Variants in KAT2B observed in about 807,000 individuals in gnomAD.
KAT2B encodes the protein histone acetyltransferase KAT2B.
In KAT2B, 36 loss-of-function variants were observed where a neutral mutation model predicts 105.9. The observed-to-expected ratio is 0.34, with a 90% CI of 0.26 to 0.45. KAT2B has a LOEUF of 0.45. KAT2B is among the 20% of genes least tolerant of loss of function. The pLI, the probability that KAT2B is intolerant of heterozygous loss-of-function variation, is 1.00. For synonymous variants in KAT2B, 397 were observed against 377.9 expected (o/e 1.05, Z -0.59); for missense variants, 820 against 1,021.6 (o/e 0.80, Z 2.69).
At chr3:20,126,821 C>CAA (rs754659716) in intron 10 of KAT2B, among the ~76,000 whole-genome samples, 11,958 of 85,668 alleles carry the variant, frequency 0.14, 819 homozygotes, top group East Asian at 0.25. Context: ...AACTCCATTT[C>CAA]AAAAAAAAAA....
At chr3:20,145,559 T>C (rs1699770322) in intron 13 of KAT2B, among the ~76,000 whole-genome samples, 2 of 70,110 alleles carry the variant, frequency 2.9e-5, no homozygotes, top group African/African-American at 9.4e-5. Context: ...TTTTAGTTTT[T>C]TTTTTTTTTT....
chr3:20,144,315 G>A (rs1431494020), intron 13 of KAT2B, among the ~76,000 whole-genome samples: 20 of 115,348 alleles, frequency 1.7e-4, no homozygotes, highest in Non-Finnish European at 2.8e-4. Flanking sequence ...TTGAGACAGC[G>A]TCTCACTCTG....
At chr3:20,123,908 A>G (rs1699354706) in intron 9 of KAT2B, among the ~76,000 whole-genome samples, 1 of 152,210 alleles carries the variant, frequency 6.6e-6, no homozygotes, top group Admixed American at 6.5e-5. Flanking sequence ...ATGCAAGGCA[A>G]TGACATTTCT....
In KAT2B at chr3:20,119,652, C is replaced by T. The variant is rs571477753; in HGVS notation, c.1205C>T (p.Ser402Phe). The change falls in exon 8 of 18, where the codon TCC (serine) becomes TTC (phenylalanine). Residue 402 changes from serine to phenylalanine, a missense_variant. By Grantham distance (155) the Ser-to-Phe change is radical. Coordinates refer to ENST00000263754, the MANE Select transcript of KAT2B (RefSeq NM_003884.5). ...ATTTCATACAATTCAACCTCATCTT[C>T]CCTTGAGCAGCCAAACGCAGGGAGC... is the stretch of plus-strand genomic sequence containing the variant. ...GTISYNSTSS[S>F]LEQPNAGSSS... The T allele has an allele frequency of 6.2e-7, 1 of 1,614,108 alleles. No homozygotes were observed. Among genetic ancestry groups the T allele is most frequent in the East Asian group, 2.2e-5 (1 of 44,870 alleles).
chr3:20,042,271 T>C (rs1697732943), intron 1 of KAT2B, among the ~76,000 whole-genome samples: 1 of 152,198 alleles, frequency 6.6e-6, no homozygotes, highest in African/African-American at 2.4e-5. Context: ...ATAATAATGC[T>C]ATGTGGTTAT....
At chr3:20,149,465 C>G (rs1257287706) in intron 17 of KAT2B, among the ~76,000 whole-genome samples, 1 of 109,218 alleles carries the variant, frequency 9.2e-6, no homozygotes, top group African/African-American at 3.7e-5. Context: ...CACTGCACTT[C>G]AGCCTGGGCA....
At position 20,062,001 on chromosome 3, in the gene KAT2B, A is replaced by T. The variant is rs553579927; in HGVS notation, c.304-10332A>T. On this transcript the variant is annotated intron_variant, in intron 1 of 17. Coordinates refer to ENST00000263754, the MANE Select transcript of KAT2B (RefSeq NM_003884.5). The stretch of plus-strand genomic sequence containing the variant: ...ATATAAAACATATAATATATAAAAC[A>T]TATAATATATATTATATATAAAACA... Among the ~76,000 whole-genome samples, 100 of 72,874 alleles carry T rather than the reference A, an allele frequency of 1.4e-3. 3 individuals are homozygous for T. The highest frequency in any genetic ancestry group is 5.4e-3 in the African/African-American group (96 of 17,876). 47.8% of individuals were successfully genotyped at this position (72,874 alleles called of 152,430 possible).
At chr3:20,082,802 G>A (rs188473712) in intron 2 of KAT2B, among the ~76,000 whole-genome samples, 1 of 152,252 alleles carries the variant, frequency 6.6e-6, no homozygotes, top group Non-Finnish European at 1.5e-5. Context: ...AAATACGTAA[G>A]CATTTGCAAT....
At chr3:20,096,596 A>G (rs1290803313) in intron 3 of KAT2B, among the ~76,000 whole-genome samples, 1 of 152,222 alleles carries the variant, frequency 6.6e-6, no homozygotes, top group Non-Finnish European at 1.5e-5. Context: ...TTCTAATAAG[A>G]AGCACTGTGC....
Position 20,114,886 on chromosome 3 carries a change from C to T in KAT2B, c.1048C>T (p.Leu350=). The T allele has an allele frequency of 6.4e-7, 1 of 1,558,290 alleles. No homozygotes were observed. Among genetic ancestry groups the T allele is most frequent in the Non-Finnish European group, 8.8e-7 (1 of 1,134,354 alleles). Residue 350 remains leucine, a synonymous_variant, in exon 7 of 18, where the codon CTG becomes TTG. Coordinates refer to ENST00000263754, the MANE Select transcript of KAT2B (RefSeq NM_003884.5). ...TLILTHFPKF[L]SMLEEEVYSQ... Reference sequence around the variant, plus strand: ...TGCTATTACTCTTGTGTCTAGATTTCTGTCCATGCTAGAAGAAGAAGTATA... The same window carrying T: ...TGCTATTACTCTTGTGTCTAGATTTTTGTCCATGCTAGAAGAAGAAGTATA...
At chr3:20,092,236 T>TTTATTTATTTA (rs56239971) in intron 2 of KAT2B, among the ~76,000 whole-genome samples, 1,804 of 103,496 alleles carry the variant, frequency 0.017, 34 homozygotes, top group African/African-American at 0.041. Context: ...TATTTATTTA[T>TTTATTTATTTA]TTATTTATTT....
intron 5 of KAT2B, among the ~76,000 whole-genome samples, chr3:20,111,016 C>G (rs1215330009): frequency 6.6e-6 from 1 of 152,154 alleles, no homozygotes; most frequent in East Asian, 1.9e-4. Flanking sequence ...ACCAAACCTC[C>G]GATAAGTGCT....
intron 1 of KAT2B, among the ~76,000 whole-genome samples, chr3:20,058,934 C>T (rs528167476): frequency 1.2e-4 from 19 of 152,210 alleles, no homozygotes; most frequent in East Asian, 3.9e-4. Context: ...AGGTTCCACC[C>T]GACACCCACT....
intron 13 of KAT2B, among the ~76,000 whole-genome samples, chr3:20,145,554 G>GTTTTTTTTTTTT (rs550166293): frequency 3.6e-4 from 33 of 92,076 alleles, no homozygotes; most frequent in Admixed American, 6.9e-4. Flanking sequence ...GATTTTTTTA[G>GTTTTTTTTTTTT]TTTTTTTTTT....
intron 2 of KAT2B, among the ~76,000 whole-genome samples, chr3:20,084,388 C>T (rs1698577155): frequency 6.6e-6 from 1 of 152,144 alleles, no homozygotes. Context: ...ATTTCATTCT[C>T]AGAGTAAGAG....
At chr3:20,078,498 G>T (rs1211132654) in intron 2 of KAT2B, among the ~76,000 whole-genome samples, 1 of 151,468 alleles carries the variant, frequency 6.6e-6, no homozygotes. Flanking sequence ...TCAGCCTCTC[G>T]AGTAGCTGGG....
intron 1 of KAT2B, among the ~76,000 whole-genome samples, chr3:20,042,386 C>T (rs1697734665): frequency 6.6e-6 from 1 of 152,292 alleles, no homozygotes; most frequent in South Asian, 2.1e-4. Context: ...GAGAACAGGA[C>T]ACCGACTGTA....
intron 11 of KAT2B, among the ~76,000 whole-genome samples, chr3:20,136,455 A>G (rs1699600865): frequency 6.6e-6 from 1 of 152,190 alleles, no homozygotes; most frequent in African/African-American, 2.4e-5. Flanking sequence ...TCAGTTCTTT[A>G]GAAGGGTTGC....
intron 2 of KAT2B, among the ~76,000 whole-genome samples, chr3:20,092,051 T>C (rs996740991): frequency 1.3e-5 from 2 of 152,248 alleles, no homozygotes; most frequent in African/African-American, 4.8e-5. Context: ...TCTACTCTCA[T>C]TGAATGGAAT....
Sources: allele counts gnomAD v4.1 joint callset (sites outside exome capture counted in the v4.1 genomes callset), GRCh38; gene constraint gnomAD v4.1.1; transcripts MANE v1.5; gene names NCBI Gene and HGNC (gene_info 2026-07-23, HGNC 2026-07-21).